CLEC16A: variants seen among roughly 807,000 people sequenced by gnomAD.
The protein encoded by CLEC16A is C-type lectin domain containing 16A, also known as protein CLEC16A.
CLEC16A carries 51 observed loss-of-function variants against 109.5 expected under a neutral mutation model. That is an observed-to-expected ratio of 0.47 (90% CI 0.37 to 0.59). CLEC16A has a LOEUF of 0.59. Ranked by LOEUF, CLEC16A falls within the 20% of genes least tolerant of loss-of-function variation. The pLI, the probability that CLEC16A is intolerant of heterozygous loss-of-function variation, is 0.00. For missense variants in CLEC16A, 1,339 were observed against 1,394.0 expected, an observed-to-expected ratio of 0.96 and a Z score of 0.63; for synonymous variants, 673 against 564.2, an observed-to-expected ratio of 1.19 and a Z score of -2.73.
At chr16:10,952,278 G>T (rs760374748) in intron 1 of CLEC16A, among the ~76,000 whole-genome samples, 8 of 152,226 alleles carry the variant, frequency 5.3e-5, no homozygotes, top group Non-Finnish European at 1.2e-4. Context: ...CAGATCAGTT[G>T]AGGTCTGGAG....
intron 19 of CLEC16A, among the ~76,000 whole-genome samples, chr16:11,111,141 G>A (rs1336638194): frequency 6.6e-6 from 1 of 152,070 alleles, no homozygotes; most frequent in Non-Finnish European, 1.5e-5. Context: ...AGATGTGCCT[G>A]GATGTAGCAC....
chr16:11,004,722 T>C (rs1051566388), intron 11 of CLEC16A, among the ~76,000 whole-genome samples: 2 of 152,192 alleles, frequency 1.3e-5, no homozygotes, highest in Non-Finnish European at 2.9e-5. Flanking sequence ...GTGAATACCA[T>C]GATCACATTT....
At chr16:11,047,117 C>T (rs1199146018) in intron 16 of CLEC16A, among the ~76,000 whole-genome samples, 175 bp from the exon 17 acceptor site, 1 of 152,042 alleles carries the variant, frequency 6.6e-6, no homozygotes, top group Non-Finnish European at 1.5e-5. Context: ...TTTGGTCTGT[C>T]ATTTGAGCGT....
At chr16:11,018,328 A>G (rs189058002) in intron 11 of CLEC16A, among the ~76,000 whole-genome samples, 11 of 151,642 alleles carry the variant, frequency 7.3e-5, no homozygotes, top group African/African-American at 2.7e-4. Flanking sequence ...GCGTCCAGGA[A>G]GATGTCTCCG....
intron 3 of CLEC16A, among the ~76,000 whole-genome samples, chr16:10,968,935 GC>G (rs961722081): frequency 6.6e-6 from 1 of 152,060 alleles, no homozygotes; most frequent in African/African-American, 2.4e-5. Context: ...GTGTGGGAGG[GC>G]GGGGAAGGGC....
intron 19 of CLEC16A, among the ~76,000 whole-genome samples, chr16:11,113,972 G>A (rs1194539287): frequency 6.6e-6 from 1 of 152,158 alleles, no homozygotes; most frequent in African/African-American, 2.4e-5. Flanking sequence ...CTTCAAAACG[G>A]CTATGCTAAT....
intron 11 of CLEC16A, among the ~76,000 whole-genome samples, chr16:11,007,258 T>A (rs2045082615): frequency 6.6e-6 from 1 of 152,234 alleles, no homozygotes; most frequent in Non-Finnish European, 1.5e-5. Flanking sequence ...CCTTTGAACC[T>A]GCCAGGTTAG....
At chr16:10,957,668 C>A (rs2042053784) in intron 1 of CLEC16A, 114 bp from the exon 2 acceptor site, 4 of 1,082,578 alleles carry the variant, frequency 3.7e-6, no homozygotes, top group Non-Finnish European at 5.5e-6. Flanking sequence ...AATTGCATTA[C>A]CCAAACCTGA....
chr16:11,015,926 C>A (rs968615752), intron 11 of CLEC16A, among the ~76,000 whole-genome samples: 2 of 152,308 alleles, frequency 1.3e-5, no homozygotes, highest in Non-Finnish European at 2.9e-5. Context: ...GGGGCAGAGG[C>A]CAGAGGCTGG....
intron 10 of CLEC16A, among the ~76,000 whole-genome samples, chr16:10,983,794 C>A (rs1201954085): frequency 2.0e-5 from 3 of 152,098 alleles, no homozygotes; most frequent in Non-Finnish European, 4.4e-5. Context: ...GCCTTTGAAC[C>A]TGCGCCTTTA....
intron 16 of CLEC16A, among the ~76,000 whole-genome samples, chr16:11,044,862 A>G (rs2047549714): frequency 6.8e-6 from 1 of 146,482 alleles, no homozygotes; most frequent in Non-Finnish European, 1.5e-5. Context: ...GGAGGCAGAG[A>G]TTGCGGCGAG....
At chr16:11,128,799 C>T (rs547038438) in intron 22 of CLEC16A, among the ~76,000 whole-genome samples, 4 of 152,258 alleles carry the variant, frequency 2.6e-5, no homozygotes, top group African/African-American at 9.6e-5. Flanking sequence ...CCACACCCAC[C>T]AGCCTGCTTG....
intron 22 of CLEC16A, among the ~76,000 whole-genome samples, chr16:11,127,770 T>G (rs1291786807): frequency 6.6e-6 from 1 of 152,074 alleles, no homozygotes; most frequent in Non-Finnish European, 1.5e-5. Flanking sequence ...CTCAGGAGGC[T>G]GAGGTGGGAG....
intron 12 of CLEC16A, among the ~76,000 whole-genome samples, chr16:11,021,233 A>G (rs112284028): frequency 8.0e-4 from 122 of 152,334 alleles, no homozygotes; most frequent in African/African-American, 2.4e-3. Context: ...AAATGTTTCA[A>G]TGACTTAACA....
At chr16:10,999,896 G>A (rs1233955124) in intron 10 of CLEC16A, among the ~76,000 whole-genome samples, 3 of 152,320 alleles carry the variant, frequency 2.0e-5, no homozygotes, top group African/African-American at 7.2e-5. Flanking sequence ...GAGTGCGGTG[G>A]TTTAATCTTG....
In CLEC16A at chr16:11,076,380, G is replaced by A. The variant is rs80230830; in HGVS notation, c.2116+15358G>A. Among the ~76,000 whole-genome samples the A allele has an allele frequency of 3.7e-3, 563 of 152,330 alleles. 3 individuals are homozygous for A. The highest frequency in any genetic ancestry group is 6.0e-3 in the Non-Finnish European group (405 of 68,020). ...ACATCTGGCTGACGGGGAGGGGAGG[G>A]CAGTAAGAGCCGCCACAGAAAACAG... is the stretch of plus-strand genomic sequence containing the variant. On this transcript the variant is annotated intron_variant, in intron 19 of 23. Coordinates refer to ENST00000409790, the MANE Select transcript of CLEC16A (RefSeq NM_015226.3).
At chr16:11,105,790 A>G (rs574737627) in intron 19 of CLEC16A, among the ~76,000 whole-genome samples, 2 of 152,262 alleles carry the variant, frequency 1.3e-5, no homozygotes, top group Non-Finnish European at 1.5e-5. Flanking sequence ...AAGACAGCCA[A>G]CCCTTCACAC....
intron 11 of CLEC16A, among the ~76,000 whole-genome samples, chr16:11,017,721 C>T (rs575018130): frequency 1.3e-5 from 2 of 152,080 alleles, no homozygotes; most frequent in Non-Finnish European, 2.9e-5. Context: ...CCTCTGTGGT[C>T]CTCCTCCTCA....
intron 10 of CLEC16A, among the ~76,000 whole-genome samples, chr16:10,992,944 G>A (rs1185622182): frequency 6.6e-6 from 1 of 152,142 alleles, no homozygotes; most frequent in East Asian, 1.9e-4. Context: ...GCTGAGAGTT[G>A]AGGGGTTGGG....
Sources: gnomAD v4.1 joint callset for allele counts (sites outside exome capture counted in the v4.1 genomes callset) on GRCh38, gnomAD v4.1.1 for gene constraint, MANE v1.5 for transcripts, NCBI Gene and HGNC (gene_info 2026-07-23, HGNC 2026-07-21) for gene names.